Variants in AIDA observed in about 807,000 individuals in gnomAD.
The protein encoded by AIDA is axin interactor, dorsalization associated, also known as axin interactor, dorsalization-associated protein.
AIDA carries 18 observed loss-of-function variants against 42.7 expected under a neutral mutation model. The ratio of observed to expected loss-of-function variants is 0.42; its 90% CI spans 0.29 to 0.63. AIDA has a LOEUF of 0.63. Among genes scored for constraint, AIDA ranks in the 20% least tolerant of loss-of-function variants. The pLI is 0.19. For missense variants in AIDA, 250 were observed against 354.1 expected (o/e 0.71, Z 2.36); for synonymous variants, 104 against 122.9 (o/e 0.85, Z 1.02).
intron 2 of AIDA, among the ~76,000 whole-genome samples, chr1:222,700,754 C>CA (rs35219178): frequency 0.02 from 1,885 of 94,152 alleles, 31 homozygotes; most frequent in African/African-American, 0.048. Flanking sequence ...GACTCCGTCT[C>CA]AAAAAAAAAA....
At chr1:222,694,295 A>T in intron 2 of AIDA, 32 bp from the exon 3 acceptor site, 1 of 1,561,332 alleles carries the variant, frequency 6.4e-7, no homozygotes, top group South Asian at 1.1e-5. Context: ...TATAAATACC[A>T]GAATTATCAT....
rs148063575 is a variant in AIDA, at chr1:222,696,989, C to G, written c.181-2726G>C. On this transcript the variant is annotated intron_variant, in intron 2 of 9. Transcript: ENST00000340020. ...ACGGAGTCTCACTCTGTTGCCCAGG[C>G]TGGTGTGCAGTGGCACGGTCTCAGC... Among the ~76,000 whole-genome samples, 819 of 152,186 alleles carry G rather than the reference C, an allele frequency of 5.4e-3. 6 individuals are homozygous for G. Among genetic ancestry groups the G allele is most frequent in the Non-Finnish European group, 8.0e-3 (541 of 68,010 alleles).
intron 4 of AIDA, among the ~76,000 whole-genome samples, chr1:222,691,835 C>T (rs1655383417): frequency 6.6e-6 from 1 of 151,592 alleles, no homozygotes; most frequent in Non-Finnish European, 1.5e-5. Flanking sequence ...TATAAAACAC[C>T]AACAAAAAAG....
At chr1:222,703,074 T>G (rs1655752915) in intron 2 of AIDA, 74 bp downstream of exon 2, 1 of 1,233,510 alleles carries the variant, frequency 8.1e-7, no homozygotes, top group African/African-American at 1.5e-5. Context: ...TGTTTTTTGT[T>G]TTGCTTAATG....
intron 2 of AIDA, among the ~76,000 whole-genome samples, chr1:222,700,982 G>GGA (rs916579573): frequency 1.4e-5 from 2 of 141,322 alleles, no homozygotes; most frequent in African/African-American, 5.4e-5. Context: ...GGGGGGGGGG[G>GGA]GACAGGGTCT....
intron 1 of AIDA, 78 bp from the exon 2 acceptor site, chr1:222,703,295 T>A: frequency 3.6e-6 from 4 of 1,116,274 alleles, no homozygotes; most frequent in Non-Finnish European, 5.2e-6. Context: ...TAAAGCTTTT[T>A]AACATGTGAA....
chr1:222,693,244 T>C (rs1224850384), intron 4 of AIDA, among the ~76,000 whole-genome samples: 1 of 152,218 alleles, frequency 6.6e-6, no homozygotes, highest in Non-Finnish European at 1.5e-5. Flanking sequence ...TAGTTTTATA[T>C]TCAACTCTTG....
At chr1:222,672,374 G>C (rs1664464989) in intron 8 of AIDA, among the ~76,000 whole-genome samples, 1 of 152,184 alleles carries the variant, frequency 6.6e-6, no homozygotes, top group Non-Finnish European at 1.5e-5. Flanking sequence ...CTTTGTAACT[G>C]AAATTTCTTC....
chr1:222,685,763 C>T (rs879825610), intron 6 of AIDA, among the ~76,000 whole-genome samples: 4 of 152,084 alleles, frequency 2.6e-5, no homozygotes, highest in Non-Finnish European at 5.9e-5. Context: ...AAAAAGTTTC[C>T]GTATATTCTT....
intron 2 of AIDA, among the ~76,000 whole-genome samples, chr1:222,696,289 AATT>A (rs1655521620): frequency 6.6e-6 from 1 of 152,224 alleles, no homozygotes; most frequent in African/African-American, 2.4e-5. Context: ...AATATCCTCA[AATT>A]ATTGTTATTC....
intron 2 of AIDA, among the ~76,000 whole-genome samples, chr1:222,694,893 T>C (rs949466332): frequency 6.6e-6 from 1 of 152,222 alleles, no homozygotes; most frequent in Non-Finnish European, 1.5e-5. Flanking sequence ...TTTGATTGTA[T>C]GAACTTTAGC....
rs1007979512 is a variant in AIDA at position 222,706,778 on chromosome 1, G to A, written c.111-3561C>T. 2.1e-5 allele frequency among the ~76,000 whole-genome samples: 3 copies of A among 142,206 alleles called. No individual in the cohort carries two copies. In the Admixed American group the frequency reaches 2.3e-4, roughly 11 times the overall value. The allele number at this position is 142,206 out of a possible 152,430, so 93.3% of individuals were successfully genotyped here. On this transcript the variant is annotated intron_variant, in intron 1 of 9. Coordinates refer to ENST00000340020, the MANE Select transcript of AIDA (RefSeq NM_022831.4). ...CCAGCTACTCAGGAGGCTGAGGCAC[G>A]AAAATCATGGAGGTTGCAGTGAGCC...
At chr1:222,688,829 C>T (rs915264806) in intron 4 of AIDA, among the ~76,000 whole-genome samples, 1 of 152,028 alleles carries the variant, frequency 6.6e-6, no homozygotes, top group African/African-American at 2.4e-5. Context: ...GAACTCCTGA[C>T]CTCAGGTGAT....
At chr1:222,673,203 T>C in intron 8 of AIDA, 110 bp downstream of exon 8, 3 of 999,166 alleles carry the variant, frequency 3.0e-6, no homozygotes, top group Non-Finnish European at 4.2e-6. Flanking sequence ...AACACTATGT[T>C]ACATTTACTT....
chr1:222,680,560 A>G (rs1375171055), intron 6 of AIDA, among the ~76,000 whole-genome samples: 1 of 152,220 alleles, frequency 6.6e-6, no homozygotes, highest in Non-Finnish European at 1.5e-5. Context: ...GGGAAAAACA[A>G]AAAAGTCCAT....
At chr1:222,694,314 G>T in intron 2 of AIDA, 51 bp from the exon 3 acceptor site, 2 of 1,393,304 alleles carry the variant, frequency 1.4e-6, no homozygotes, top group Non-Finnish European at 2.0e-6. Flanking sequence ...ATAACTGTTA[G>T]TTCAAATCAT....
chr1:222,674,951 C>T lies in AIDA; in HGVS notation c.583+1145G>A, dbSNP rs149435174. On this transcript the variant is annotated intron_variant, in intron 7 of 9. Transcript: ENST00000340020. ...TTGGTGTACATTCCTGCATGAGTTACGCAGTTCTGTAAATGACCTATCAAA... is the reference window on the plus strand; with the variant it reads ...TTGGTGTACATTCCTGCATGAGTTATGCAGTTCTGTAAATGACCTATCAAA... Among the ~76,000 whole-genome samples the T allele has an allele frequency of 3.2e-4, 49 of 152,264 alleles. 1 individual carries two copies. Among genetic ancestry groups the T allele is most frequent in the Non-Finnish European group, 6.0e-4 (41 of 68,024 alleles).
chr1:222,675,936 G>A (rs1159184189), intron 7 of AIDA, among the ~76,000 whole-genome samples, 160 bp downstream of exon 7: 1 of 152,246 alleles, frequency 6.6e-6, no homozygotes, highest in African/African-American at 2.4e-5. Flanking sequence ...GTGAAGAAGT[G>A]ATGACCTCTT....
At chr1:222,682,203 C>A (rs530929892) in intron 6 of AIDA, among the ~76,000 whole-genome samples, 1 of 151,770 alleles carries the variant, frequency 6.6e-6, no homozygotes, top group South Asian at 2.1e-4. Context: ...CATCATATAC[C>A]ACCACCAAAG....
Sources: allele counts gnomAD v4.1 joint callset (sites outside exome capture counted in the v4.1 genomes callset), GRCh38; gene constraint gnomAD v4.1.1; transcripts MANE v1.5; gene names NCBI Gene and HGNC (gene_info 2026-07-23, HGNC 2026-07-21).